The following EYA3 variants were observed in gnomAD, a reference collection of about 807,000 sequenced individuals.
EYA3 encodes EYA transcriptional coactivator and phosphatase 3.
A neutral mutation model predicts 80.0 loss-of-function variants in EYA3; 39 were observed. The ratio of observed to expected loss-of-function variants is 0.49; its 90% confidence interval spans 0.38 to 0.64. EYA3 has a LOEUF of 0.64. EYA3 is among the 30% of genes least tolerant of loss of function. The pLI, the probability that EYA3 is intolerant of heterozygous loss-of-function variation, is 0.00. For missense variants in EYA3, 523 were observed against 676.1 expected (o/e 0.77, Z 2.51); for synonymous variants, 206 against 232.8 (o/e 0.88, Z 1.05).
intron 6 of EYA3, chr1:28,031,840 TTTTGC>T (rs1024812456): frequency 5.3e-5 from 8 of 152,362 alleles, no homozygotes; most frequent in African/African-American, 1.7e-4. Flanking sequence ...CAGCCACTTT[TTTTGC>T]TTCCAATTAT....
At chr1:27,999,102 T>C (rs781152066) in intron 12 of EYA3, among the ~76,000 whole-genome samples, 6 of 152,216 alleles carry the variant, frequency 3.9e-5, no homozygotes, top group Non-Finnish European at 7.3e-5. Context: ...TTTAAAATTT[T>C]CACTATTTTT....
intron 6 of EYA3, among the ~76,000 whole-genome samples, chr1:28,029,308 C>G (rs1426420741): frequency 6.6e-6 from 1 of 152,172 alleles, no homozygotes; most frequent in Non-Finnish European, 1.5e-5. Flanking sequence ...AGAGATACCG[C>G]AGAGGCTACT....
At chr1:28,065,281 T>C (rs1644792093) in intron 1 of EYA3, among the ~76,000 whole-genome samples, 1 of 152,184 alleles carries the variant, frequency 6.6e-6, no homozygotes, top group Non-Finnish European at 1.5e-5. Flanking sequence ...AGATTTTTTT[T>C]CTTTCTTTTT....
intron 2 of EYA3, among the ~76,000 whole-genome samples, chr1:28,054,968 T>C (rs1460208447): frequency 1.3e-5 from 2 of 152,234 alleles, no homozygotes; most frequent in East Asian, 1.9e-4. Flanking sequence ...TTAATGCTGA[T>C]TGATGACAGT....
intron 11 of EYA3, among the ~76,000 whole-genome samples, chr1:28,001,455 A>G (rs1481854834): frequency 6.9e-6 from 1 of 144,748 alleles, no homozygotes; most frequent in East Asian, 2.0e-4. Flanking sequence ...GTAAATATAT[A>G]AAATTTTTTT....
At chr1:28,086,468 A>C (rs1645657436) in intron 1 of EYA3, among the ~76,000 whole-genome samples, 1 of 152,198 alleles carries the variant, frequency 6.6e-6, no homozygotes, top group Non-Finnish European at 1.5e-5. Flanking sequence ...ATAGGTGTGA[A>C]CCACCATGCC....
At chr1:28,058,128 C>A in intron 1 of EYA3, 34 bp from the exon 2 acceptor site, 2 of 888,610 alleles carry the variant, frequency 2.3e-6, no homozygotes, top group South Asian at 2.2e-5. Context: ...AAGCTTTATA[C>A]ACTCTTAAAG....
intron 5 of EYA3, among the ~76,000 whole-genome samples, chr1:28,038,439 TAAAAAAAAAAAAA>T (rs74525723): frequency 4.4e-5 from 3 of 68,480 alleles, no homozygotes; most frequent in Non-Finnish European, 5.8e-5. Flanking sequence ...GATTCTATCT[TAAAAAAAAAAAAA>T]AAAAAAAAAA....
Position 27,988,530 on chromosome 1 carries a change from C to T in EYA3, c.1540+5G>A. On this transcript the variant is annotated splice_donor_5th_base_variant and intron_variant, in intron 16 of 17. Transcript: ENST00000373871. ...CAGTGACAAGAAACAGCATAGAAAC[C>T]ATACCAATTTTGGTAGCACTATAGA... The T allele has an allele frequency of 6.2e-7, 1 of 1,612,300 alleles. No homozygotes were observed. Among genetic ancestry groups the T allele is most frequent in the Non-Finnish European group, 8.5e-7 (1 of 1,179,510 alleles).
chr1:28,001,676 T>C (rs1394701294), intron 11 of EYA3, among the ~76,000 whole-genome samples: 3 of 142,206 alleles, frequency 2.1e-5, no homozygotes, highest in Admixed American at 1.4e-4. Context: ...GAGGTGGAGC[T>C]TGCAGTGAGC....
At chr1:28,075,324 A>C (rs1174962397) in intron 1 of EYA3, among the ~76,000 whole-genome samples, 1 of 152,168 alleles carries the variant, frequency 6.6e-6, no homozygotes, top group African/African-American at 2.4e-5. Flanking sequence ...ATTCGATCTA[A>C]CTATTCACTG....
intron 1 of EYA3, among the ~76,000 whole-genome samples, chr1:28,073,584 G>C (rs1645105798): frequency 6.6e-6 from 1 of 151,926 alleles, no homozygotes; most frequent in Non-Finnish European, 1.5e-5. Flanking sequence ...ACAGGTGTGA[G>C]CCATTGCACC....
chr1:28,012,355 T>TA (rs1316129087), intron 9 of EYA3, among the ~76,000 whole-genome samples: 3 of 152,224 alleles, frequency 2.0e-5, no homozygotes, highest in Non-Finnish European at 4.4e-5. Flanking sequence ...CAAATTTATG[T>TA]AAGTTTGAAG....
chr1:28,081,083 A>G (rs1395286771), intron 1 of EYA3, among the ~76,000 whole-genome samples: 1 of 152,186 alleles, frequency 6.6e-6, no homozygotes, highest in Non-Finnish European at 1.5e-5. Context: ...GTAGTTTTAT[A>G]TAAGCAAGCC....
chr1:28,058,269 G>T (rs1644501689), intron 1 of EYA3, among the ~76,000 whole-genome samples, 175 bp from the exon 2 acceptor site: 1 of 152,144 alleles, frequency 6.6e-6, no homozygotes, highest in South Asian at 2.1e-4. Flanking sequence ...ACCAAATCAA[G>T]AGAGGTGTAC....
At chr1:28,062,933 C>T (rs1434372677) in intron 1 of EYA3, among the ~76,000 whole-genome samples, 1 of 147,834 alleles carries the variant, frequency 6.8e-6, no homozygotes, top group Non-Finnish European at 1.5e-5. Flanking sequence ...ACTCAGAAGG[C>T]GGAGGTTGCA....
intron 6 of EYA3, among the ~76,000 whole-genome samples, chr1:28,029,269 T>C (rs1557590305): frequency 6.6e-6 from 1 of 152,216 alleles, no homozygotes; most frequent in Non-Finnish European, 1.5e-5. Flanking sequence ...GTTTCAAAAA[T>C]AAAAACTGTG....
intron 17 of EYA3, chr1:27,977,476 C>T (rs1213441934): frequency 6.2e-6 from 8 of 1,280,566 alleles, no homozygotes; most frequent in African/African-American, 1.5e-5. Flanking sequence ...GATAATTGTT[C>T]AAATTCACAT....
chr1:28,007,029 C>T (rs1357083978), intron 10 of EYA3, among the ~76,000 whole-genome samples: 1 of 150,106 alleles, frequency 6.7e-6, no homozygotes, highest in Non-Finnish European at 1.5e-5. Context: ...CAACCTCCAC[C>T]TCCTAGGTTC....
Sources: allele counts gnomAD v4.1 joint callset (sites outside exome capture counted in the v4.1 genomes callset), GRCh38; gene constraint gnomAD v4.1.1; transcripts MANE v1.5; gene names NCBI Gene and HGNC (gene_info 2026-07-23, HGNC 2026-07-21).